NOL12: variants seen among roughly 807,000 people sequenced by gnomAD.
NOL12 encodes the protein nucleolar protein 12.
In NOL12, 21 loss-of-function variants were observed where a neutral mutation model predicts 25.2. That is an observed-to-expected ratio of 0.83 (90% CI 0.59 to 1.20). NOL12 has a LOEUF of 1.20. Among genes scored for constraint, NOL12 ranks in the 50% most tolerant of loss-of-function variants. The pLI is 0.00. For synonymous variants in NOL12, 133 were observed against 113.8 expected, an observed-to-expected ratio of 1.17 and a Z score of -1.08; for missense variants, 286 against 287.6, an observed-to-expected ratio of 0.99 and a Z score of 0.04.
chr22:37,689,140 C>A, intron 4 of NOL12, 148 bp downstream of exon 4: 1 of 940,544 alleles, frequency 1.1e-6, no homozygotes, highest in Non-Finnish European at 1.6e-6. Context: ...CGGGGTTGCT[C>A]AGTGCTGGCC....
At position 37,688,312 on chromosome 22, in the gene NOL12, C is replaced by T. The variant is rs1290634605; in HGVS notation, c.190C>T (p.Arg64Cys). ...KEEQRKLREE[R>C]HQEYLKMLAE... ...GTGTTCCCTGCCTGTGTGGTTTCAG[C>T]GCCACCAGGAATACTTGAAGATGCT... is the stretch of plus-strand genomic sequence containing the variant. The change falls in exon 3 of 6, where the codon CGC (arginine) becomes TGC (cysteine). Residue 64 changes from arginine to cysteine, a missense_variant and splice_region_variant. Arg to Cys is a radical substitution (Grantham distance 180, BLOSUM62 -3). Coordinates refer to ENST00000359114, the MANE Select transcript of NOL12 (RefSeq NM_024313.3). 13 of 1,614,090 alleles carry T rather than the reference C, an allele frequency of 8.1e-6. No individual in the cohort carries two copies. Among genetic ancestry groups the T allele is most frequent in the South Asian group, 4.4e-5 (4 of 91,084 alleles).
At chr22:37,689,452 G>A (rs894631963) in intron 4 of NOL12, among the ~76,000 whole-genome samples, 3 of 152,106 alleles carry the variant, frequency 2.0e-5, no homozygotes, top group South Asian at 2.1e-4. Flanking sequence ...CCCTTTGTGC[G>A]ATTCGCAGCC....
At chr22:37,686,501 C>A in intron 1 of NOL12, 26 bp downstream of exon 1, 2 of 1,565,652 alleles carry the variant, frequency 1.3e-6, no homozygotes, top group Admixed American at 2.0e-5. Context: ...GGACCGGACT[C>A]CCCTCGAGCT....
chr22:37,687,096 A>G (rs1921848338), intron 1 of NOL12: 1 of 985,278 alleles, frequency 1.0e-6, no homozygotes, highest in Non-Finnish European at 1.2e-6. Flanking sequence ...AGCGTGCATC[A>G]ACAGGCCCTA....
chr22:37,692,921 C>T lies in NOL12; in HGVS notation c.*1585C>T, dbSNP rs773055819. ...CTGGTGGGAGTCTGAGGGCTGCACCCGGGTATGGTGAGTTCCCCTCAGGGA... is the reference window on the plus strand; with the variant it reads ...CTGGTGGGAGTCTGAGGGCTGCACCTGGGTATGGTGAGTTCCCCTCAGGGA... On this transcript the variant is annotated 3_prime_UTR_variant, in exon 6 of 6. Transcript: ENST00000359114. 4.9e-5 allele frequency: 19 copies of T among 390,200 alleles called. No homozygotes were observed. Among genetic ancestry groups the T allele is most frequent in the South Asian group, 4.3e-4 (3 of 6,942 alleles). 24.2% of individuals were successfully genotyped at this position (390,200 alleles called of 1,614,324 possible).
At chr22:37,691,054 ACT>A (rs1922043961) in intron 5 of NOL12, 118 bp from the exon 6 acceptor site, 1 of 1,223,426 alleles carries the variant, frequency 8.2e-7, no homozygotes, top group South Asian at 1.5e-5. Flanking sequence ...GAGCAGGCCA[ACT>A]CTGGCATGAA....
intron 5 of NOL12, 35 bp downstream of exon 5, chr22:37,690,829 C>G (rs1462174553): frequency 6.6e-7 from 1 of 1,507,402 alleles, no homozygotes; most frequent in Non-Finnish European, 9.2e-7. Flanking sequence ...CGGTCCCACC[C>G]CTCCTGGCTG....
rs954356627 is a variant in NOL12, at chr22:37,693,280, A to G, written c.*1944A>G. ...TACCTCTTAGGGCTGCCCCGAGACTAAAATAAGACCATGTGCATGAACCAC... is the reference window on the plus strand; with the variant it reads ...TACCTCTTAGGGCTGCCCCGAGACTGAAATAAGACCATGTGCATGAACCAC... On this transcript the variant is annotated 3_prime_UTR_variant, in exon 6 of 6. Coordinates refer to ENST00000359114, the MANE Select transcript of NOL12 (RefSeq NM_024313.3). 1 of 152,420 alleles carries G rather than the reference A, an allele frequency of 6.6e-6. No individual in the cohort carries two copies. Among genetic ancestry groups the G allele is most frequent in the Non-Finnish European group, 1.5e-5 (1 of 68,084 alleles). The allele number at this position is 152,420 out of a possible 1,614,324, so 9.4% of individuals were successfully genotyped here. A position where few individuals can be genotyped will look rare whatever the true frequency, so the allele number is the denominator to read the frequency against.
In NOL12 at chr22:37,690,685, G is replaced by T; in HGVS notation, c.382-12G>T. Reference sequence around the variant, plus strand: ...ACTGCTCCATGTAAGTCATTGTCTTGTGCCTCTTTAGGGAGGGGCTGGAGA... The same window carrying T: ...ACTGCTCCATGTAAGTCATTGTCTTTTGCCTCTTTAGGGAGGGGCTGGAGA... On this transcript the variant is annotated splice_polypyrimidine_tract_variant and intron_variant, in intron 4 of 5. Transcript: ENST00000359114. 1 of 1,604,098 alleles carries T rather than the reference G, an allele frequency of 6.2e-7. No homozygotes were observed. The highest frequency in any genetic ancestry group is 8.5e-7 in the Non-Finnish European group (1 of 1,171,930).
intron 3 of NOL12, 32 bp from the exon 4 acceptor site, chr22:37,688,818 G>T: frequency 6.2e-7 from 1 of 1,613,146 alleles, no homozygotes; most frequent in South Asian, 1.1e-5. Flanking sequence ...TCGTTCCCGT[G>T]ACTGAGACCA....
chr22:37,687,267 CCCA>C (rs1921861926), intron 1 of NOL12, among the ~76,000 whole-genome samples: 1 of 138,968 alleles, frequency 7.2e-6, no homozygotes, highest in African/African-American at 2.6e-5. Context: ...GGCCCCCCCC[CCCA>C]CCCGCCCCAC....
Position 37,691,414 on chromosome 22 carries a change from C to T in NOL12, c.*78C>T. 6.9e-7 allele frequency: 1 copy of T among 1,455,100 alleles called. No individual in the cohort carries two copies. The highest frequency in any genetic ancestry group is 1.4e-5 in the African/African-American group (1 of 70,428). The allele number at this position is 1,455,100 out of a possible 1,614,324, so 90.1% of individuals were successfully genotyped here. ...CAGCTTGGCTGTCCCTGTAGCCCAG[C>T]CTGCACCTAGGTAATGACTGCACAG... On this transcript the variant is annotated 3_prime_UTR_variant, in exon 6 of 6. Transcript: ENST00000359114.
rs1569024607 is a variant in NOL12, at chr22:37,688,873, TTGGTGACA to T, written c.263_270del (p.Leu88CysfsTer9). 2 of 1,613,790 alleles carry T rather than the reference TTGGTGACA, an allele frequency of 1.2e-6. No homozygotes were observed. Among genetic ancestry groups the T allele is most frequent in the Non-Finnish European group, 1.7e-6 (2 of 1,179,924 alleles). On this transcript the variant is annotated frameshift_variant, in exon 4 of 6. Coordinates refer to ENST00000359114, the MANE Select transcript of NOL12 (RefSeq NM_024313.3). LOFTEE classifies it high-confidence loss of function. ...AGAGGAGGCAGATGAGCTGGACCGG[TTGGTGACA>T]GCAAAGACGGAGTCGGTGCAGTATG... is the stretch of plus-strand genomic sequence containing the variant.
At position 37,692,639 on chromosome 22, in the gene NOL12, C is replaced by T. The variant is rs189953642; in HGVS notation, c.*1303C>T. 1.9e-3 allele frequency: 747 copies of T among 398,742 alleles called. 10 individuals are homozygous for T. Among genetic ancestry groups the T allele is most frequent in the Non-Finnish European group, 3.0e-4 (68 of 226,172 alleles). The allele number at this position is 398,742 out of a possible 1,614,324, so 24.7% of individuals were successfully genotyped here. A position where few individuals can be genotyped will look rare whatever the true frequency, so the allele number is the denominator to read the frequency against. ...TGTGTTCCCAGGGCTTGCTGACGCC[C>T]GTGGACTATGGAGTCAGGATGACAG... On this transcript the variant is annotated 3_prime_UTR_variant, in exon 6 of 6. Transcript: ENST00000359114.
chr22:37,689,844 C>G lies in NOL12; in HGVS notation c.381+852C>G, dbSNP rs1159322939. Among the ~76,000 whole-genome samples, 12 of 152,052 alleles carry G rather than the reference C, an allele frequency of 7.9e-5. No individual in the cohort carries two copies. The South Asian group carries it at 2.3e-3, about 29-fold the overall frequency. ...AGGAGTTTGAGACCAGCCTGGCCAA[C>G]ATGGTGAAACCCCGTCTCTATTAAA... On this transcript the variant is annotated intron_variant, in intron 4 of 5. Transcript: ENST00000359114.
In NOL12 at chr22:37,692,622, C is replaced by A. The variant is rs2145800039; in HGVS notation, c.*1286C>A. 1 of 398,784 alleles carries A rather than the reference C, an allele frequency of 2.5e-6. No homozygotes were observed. The highest frequency in any genetic ancestry group is 1.3e-4 in the South Asian group (1 of 7,872). The allele number at this position is 398,784 out of a possible 1,614,324, so 24.7% of individuals were successfully genotyped here. A position where few individuals can be genotyped will look rare whatever the true frequency, so the allele number is the denominator to read the frequency against. On this transcript the variant is annotated 3_prime_UTR_variant, in exon 6 of 6. Transcript: ENST00000359114. ...CACAAAGGGGAGTGAACTGTGTTCC[C>A]AGGGCTTGCTGACGCCCGTGGACTA...
Position 37,692,833 on chromosome 22 carries a change from T to C in NOL12, c.*1497T>C. 1 of 397,718 alleles carries C rather than the reference T, an allele frequency of 2.5e-6. No individual in the cohort carries two copies. Among genetic ancestry groups the C allele is most frequent in the East Asian group, 3.6e-5 (1 of 28,060 alleles). 24.6% of individuals were successfully genotyped at this position (397,718 alleles called of 1,614,324 possible). ...GCAGGCTTAGTGACTGTGCCTCAGT[T>C]ATGCTGTACCTGGGAGTGGGCAGGC... is the stretch of plus-strand genomic sequence containing the variant. On this transcript the variant is annotated 3_prime_UTR_variant, in exon 6 of 6. Transcript: ENST00000359114.
In NOL12 at chr22:37,686,547, ACGCTCCCGCCGGGGGCTCTTC is replaced by A. The variant is rs554384306; in HGVS notation, c.83+75_83+95del. ...GCCAAGGCCAGGTCTGGGGCCGAGC[ACGCTCCCGCCGGGGGCTCTTC>A]CGGTCCCGCCCCCTGGCGTGGCTAG... On this transcript the variant is annotated intron_variant, in intron 1 of 5. Coordinates refer to ENST00000359114, the MANE Select transcript of NOL12 (RefSeq NM_024313.3). 5.8e-4 allele frequency: 844 copies of A among 1,450,796 alleles called. 10 individuals are homozygous for A. In the South Asian group the frequency reaches 9.6e-3, roughly 16 times the overall value. 89.9% of individuals were successfully genotyped at this position (1,450,796 alleles called of 1,614,324 possible). A position where few individuals can be genotyped will look rare whatever the true frequency, so the allele number is the denominator to read the frequency against.
chr22:37,691,323 A>G lies in NOL12; in HGVS notation c.629A>G (p.His210Arg). 1 of 1,611,420 alleles carries G rather than the reference A, an allele frequency of 6.2e-7. No individual in the cohort carries two copies. The highest frequency in any genetic ancestry group is 1.1e-5 in the South Asian group (1 of 90,870). Residue 210 changes from histidine (H) to arginine (R), a missense_variant, in exon 6 of 6, where the codon CAC becomes CGC. Coordinates refer to ENST00000359114, the MANE Select transcript of NOL12 (RefSeq NM_024313.3). ...QRRRLTGKAR[H>R]SGE ...CGCCGTCTCACAGGCAAAGCACGGC[A>G]CAGCGGGGAGTGAGACCGAGAACGA...
Sources: gnomAD v4.1 joint callset for allele counts (sites outside exome capture counted in the v4.1 genomes callset) on GRCh38, gnomAD v4.1.1 for gene constraint, MANE v1.5 for transcripts, NCBI Gene and HGNC (gene_info 2026-07-23, HGNC 2026-07-21) for gene names.